SYNPO2: variants seen among roughly 807,000 people sequenced by gnomAD.
The protein encoded by SYNPO2 is synaptopodin 2, also known as synaptopodin-2.
In SYNPO2, 56 loss-of-function variants were observed where a neutral mutation model predicts 85.0. That is an observed-to-expected ratio of 0.66 (90% confidence interval 0.53 to 0.82). SYNPO2 has a LOEUF of 0.82. SYNPO2 is among the 40% of genes least tolerant of loss of function. SYNPO2 has a pLI of 0.00. For synonymous variants in SYNPO2, 602 were observed against 591.1 expected (o/e 1.02, Z -0.27); for missense variants, 1,575 against 1,534.2 (o/e 1.03, Z -0.44).
At chr4:118,966,155 G>T (rs1442529484) in intron 1 of SYNPO2, among the ~76,000 whole-genome samples, 4 of 152,164 alleles carry the variant, frequency 2.6e-5, no homozygotes, top group Non-Finnish European at 5.9e-5. Context: ...TAGGTGGATC[G>T]GAGGGACTCA....
At chr4:118,951,001 C>T (rs1351346903) in intron 1 of SYNPO2, among the ~76,000 whole-genome samples, 2 of 152,132 alleles carry the variant, frequency 1.3e-5, no homozygotes, top group African/African-American at 4.8e-5. Flanking sequence ...AGAGAAATTA[C>T]CTATCCTAAA....
intron 1 of SYNPO2, among the ~76,000 whole-genome samples, chr4:119,017,933 G>C (rs1015169379): frequency 2.0e-5 from 3 of 152,140 alleles, no homozygotes. Context: ...CTGCTTTCTA[G>C]TCAGTCTTGG....
intron 1 of SYNPO2, among the ~76,000 whole-genome samples, chr4:118,881,624 A>T (rs1376581004): frequency 6.6e-6 from 1 of 152,284 alleles, no homozygotes; most frequent in Non-Finnish European, 1.5e-5. Flanking sequence ...TCCCCTTACG[A>T]CTGCGAGCCT....
At chr4:118,969,029 T>C (rs1473652444) in intron 1 of SYNPO2, among the ~76,000 whole-genome samples, 6 of 152,200 alleles carry the variant, frequency 3.9e-5, no homozygotes, top group Non-Finnish European at 8.8e-5. Context: ...TTAGCCTCTA[T>C]GTAGTTGAGC....
At chr4:118,925,759 CA>C (rs1477589017) in intron 1 of SYNPO2, among the ~76,000 whole-genome samples, 1 of 152,090 alleles carries the variant, frequency 6.6e-6, no homozygotes, top group East Asian at 1.9e-4. Flanking sequence ...TAAGGATAAA[CA>C]AGTGATGTAT....
chr4:118,863,118 T>C (rs1161864576), intron 1 of SYNPO2, among the ~76,000 whole-genome samples: 1 of 152,210 alleles, frequency 6.6e-6, no homozygotes, highest in Non-Finnish European at 1.5e-5. Context: ...CTTTTTCTTT[T>C]CTTTTTTCAA....
At chr4:118,914,258 G>T (rs1733237100) in intron 1 of SYNPO2, among the ~76,000 whole-genome samples, 1 of 152,126 alleles carries the variant, frequency 6.6e-6, no homozygotes, top group Non-Finnish European at 1.5e-5. Flanking sequence ...TACAGAAGGA[G>T]ATTTTTAATG....
At chr4:119,009,359 T>C (rs941283936) in intron 1 of SYNPO2, among the ~76,000 whole-genome samples, 15 of 152,146 alleles carry the variant, frequency 9.9e-5, no homozygotes, top group African/African-American at 3.6e-4. Context: ...AAGAAGCATA[T>C]AGTTTAAATA....
chr4:118,924,240 A>C (rs1033741455), intron 1 of SYNPO2, among the ~76,000 whole-genome samples: 5 of 152,198 alleles, frequency 3.3e-5, no homozygotes, highest in Non-Finnish European at 7.3e-5. Context: ...AGGACTGTAC[A>C]TGTCTGCAGA....
chr4:118,881,525 C>G (rs1732099906), intron 1 of SYNPO2, among the ~76,000 whole-genome samples: 1 of 152,154 alleles, frequency 6.6e-6, no homozygotes, highest in African/African-American at 2.4e-5. Context: ...TTATGGAGCC[C>G]TAGCACAGTA....
intron 1 of SYNPO2, among the ~76,000 whole-genome samples, chr4:118,938,297 C>T (rs1408813665): frequency 6.6e-6 from 1 of 152,108 alleles, no homozygotes; most frequent in African/African-American, 2.4e-5. Context: ...TCCAGTCTGG[C>T]TGACGGAGCA....
At chr4:118,881,918 A>G (rs1353614287) in intron 1 of SYNPO2, among the ~76,000 whole-genome samples, 2 of 152,236 alleles carry the variant, frequency 1.3e-5, no homozygotes, top group Non-Finnish European at 2.9e-5. Context: ...AGCACATGAT[A>G]AATGCGTGAT....
chr4:118,950,251 G>C (rs1267868900), intron 1 of SYNPO2, among the ~76,000 whole-genome samples: 3 of 152,192 alleles, frequency 2.0e-5, no homozygotes, highest in Admixed American at 6.5e-5. Context: ...CAAGGATATA[G>C]GTTTGTTTTA....
In SYNPO2 at chr4:118,876,721, CTTTCTTTCT is replaced by C. The variant is rs1341712156; in HGVS notation, c.12+25784_12+25792del. On this transcript the variant is annotated intron_variant, in intron 1 of 4. Transcript: ENST00000610556. ...TCTTTCTTTCTTTCTTTCTTTCTTT[CTTTCTTTCT>C]TTCTTTCTGCCTTTCTCTGTCTCTC... Among the ~76,000 whole-genome samples, 6 of 123,506 alleles carry C rather than the reference CTTTCTTTCT, an allele frequency of 4.9e-5. No individual in the cohort carries two copies. The East Asian group carries it at 1.4e-3, about 29-fold the overall frequency. 81.0% of individuals were successfully genotyped at this position (123,506 alleles called of 152,430 possible).
At chr4:118,986,036 G>A (rs1736204377) in intron 1 of SYNPO2, among the ~76,000 whole-genome samples, 1 of 152,252 alleles carries the variant, frequency 6.6e-6, no homozygotes, top group Non-Finnish European at 1.5e-5. Context: ...TAGAAATTCT[G>A]TGGACAAGGA....
intron 1 of SYNPO2, among the ~76,000 whole-genome samples, chr4:118,903,994 G>T (rs1732846066): frequency 6.6e-6 from 1 of 152,100 alleles, no homozygotes; most frequent in East Asian, 1.9e-4. Context: ...AGGATTACAG[G>T]CATGAGCCAC....
At position 118,888,879 on chromosome 4, in the gene SYNPO2, G is replaced by GGCGGCGGCTGGGGCA; in HGVS notation, c.-152_-138dup. ...GCACAAATTCGCAGCAGGCGGCTGG[G>GGCGGCGGCTGGGGCA]GCGGCGGCTGGGGCAGCGGCTGCAG... On this transcript the variant is annotated 5_prime_UTR_variant, in exon 1 of 5. Transcript: ENST00000307142. The GGCGGCGGCTGGGGCA allele has an allele frequency of 1.4e-6, 1 of 726,674 alleles. No individual in the cohort carries two copies. The highest frequency in any genetic ancestry group is 2.3e-6 in the Non-Finnish European group (1 of 430,136). The allele number at this position is 726,674 out of a possible 1,614,324, so 45.0% of individuals were successfully genotyped here.
At position 119,027,312 on chromosome 4, in the gene SYNPO2, G is replaced by C. The variant is rs771756685; in HGVS notation, c.943G>C (p.Gly315Arg). The change falls in exon 3 of 5, where the codon GGG becomes CGG. Residue 315 changes from glycine to arginine, a missense_variant. Gly to Arg is a moderately radical substitution (Grantham distance 125). Transcript: ENST00000307142. Reference sequence around the variant, plus strand: ...GTGTGTGGATTCTCCAGTGGAAGGAGGGCAGTCAGAAGCACCTCCTTCTCT... The same window carrying C: ...GTGTGTGGATTCTCCAGTGGAAGGACGGCAGTCAGAAGCACCTCCTTCTCT... ...KECVDSPVEG[G>R]QSEAPPSLVS... The C allele has an allele frequency of 3.3e-5, 54 of 1,613,946 alleles. No individual in the cohort carries two copies. Among genetic ancestry groups the C allele is most frequent in the Non-Finnish European group, 4.6e-5 (54 of 1,180,026 alleles).
intron 1 of SYNPO2, among the ~76,000 whole-genome samples, chr4:118,864,300 G>T (rs1044868999): frequency 6.6e-6 from 1 of 152,102 alleles, no homozygotes; most frequent in East Asian, 1.9e-4. Context: ...TTCCATTGTG[G>T]TCGGAGAAGA....
Sources: gnomAD v4.1 joint callset for allele counts (sites outside exome capture counted in the v4.1 genomes callset) on GRCh38, gnomAD v4.1.1 for gene constraint, MANE v1.5 for transcripts, NCBI Gene and HGNC (gene_info 2026-07-23, HGNC 2026-07-21) for gene names.